FYN: variants seen among roughly 807,000 people sequenced by gnomAD.
FYN encodes the protein tyrosine-protein kinase Fyn.
A neutral mutation model predicts 70.2 loss-of-function variants in FYN; 10 were observed. The observed-to-expected ratio is 0.14, with a 90% CI of 0.09 to 0.24. FYN has a LOEUF of 0.24. Ranked by LOEUF, FYN falls within the 10% of genes least tolerant of loss-of-function variation. FYN has a pLI of 1.00. For synonymous variants in FYN, 236 were observed against 248.6 expected (o/e 0.95, Z 0.48); for missense variants, 319 against 673.1 (o/e 0.47, Z 5.82).
chr6:111,689,822 T>C (rs1281201095), intron 12 of FYN, among the ~76,000 whole-genome samples: 4 of 152,124 alleles, frequency 2.6e-5, no homozygotes, highest in Non-Finnish European at 5.9e-5. Context: ...GCTGGAGGTA[T>C]TCTGTATCTT....
intron 2 of FYN, among the ~76,000 whole-genome samples, chr6:111,837,611 T>C (rs756687100): frequency 6.6e-5 from 10 of 152,340 alleles, no homozygotes; most frequent in Middle Eastern, 3.4e-3. Flanking sequence ...TGGTAAATGA[T>C]GATGATTTTC....
At chr6:111,689,903 C>A (rs804190) in intron 12 of FYN, among the ~76,000 whole-genome samples, 4 of 152,080 alleles carry the variant, frequency 2.6e-5, no homozygotes, top group African/African-American at 4.8e-5. Flanking sequence ...CAGATTTGTT[C>A]GTTTTACTGT....
At chr6:111,710,683 A>G (rs994822326) in intron 5 of FYN, among the ~76,000 whole-genome samples, 1 of 152,240 alleles carries the variant, frequency 6.6e-6, no homozygotes, top group Non-Finnish European at 1.5e-5. Context: ...TACAGACTCA[A>G]AATATTCATT....
intron 2 of FYN, among the ~76,000 whole-genome samples, chr6:111,810,759 CAGA>C (rs1265032506): frequency 3.9e-5 from 6 of 152,310 alleles, no homozygotes; most frequent in Middle Eastern, 6.8e-3. Context: ...GTGGGTGGAG[CAGA>C]AATGAATGCT....
chr6:111,800,191 T>C (rs1379971531), intron 2 of FYN, among the ~76,000 whole-genome samples: 1 of 152,222 alleles, frequency 6.6e-6, no homozygotes, highest in African/African-American at 2.4e-5. Context: ...ATAGGAGTTA[T>C]ATACACATCA....
intron 12 of FYN, among the ~76,000 whole-genome samples, chr6:111,684,771 G>C (rs187603747): frequency 5.5e-4 from 84 of 152,242 alleles, no homozygotes; most frequent in African/African-American, 1.9e-3. Context: ...TGAAACTGTG[G>C]GTATTTAGTC....
chr6:111,790,447 A>G (rs1771575819), intron 2 of FYN, among the ~76,000 whole-genome samples: 1 of 152,062 alleles, frequency 6.6e-6, no homozygotes. Flanking sequence ...AAGAACACTG[A>G]AAATCTCAGA....
At chr6:111,781,977 C>T (rs1300059958) in intron 2 of FYN, among the ~76,000 whole-genome samples, 1 of 152,100 alleles carries the variant, frequency 6.6e-6, no homozygotes, top group Non-Finnish European at 1.5e-5. Context: ...GCTAATGCTA[C>T]TTTCATAATA....
intron 13 of FYN, among the ~76,000 whole-genome samples, chr6:111,662,416 C>T (rs1374299044): frequency 1.3e-5 from 2 of 152,160 alleles, no homozygotes; most frequent in Non-Finnish European, 2.9e-5. Context: ...CACATATGAT[C>T]CCTGTCTTCT....
At chr6:111,822,700 T>TA (rs552140435) in intron 2 of FYN, among the ~76,000 whole-genome samples, 1 of 149,766 alleles carries the variant, frequency 6.7e-6, no homozygotes, top group Non-Finnish European at 1.5e-5. Context: ...ATTTAAAAAA[T>TA]AAAAAAAGAA....
At chr6:111,705,391 T>C (rs932001895) in intron 6 of FYN, among the ~76,000 whole-genome samples, 2 of 151,430 alleles carry the variant, frequency 1.3e-5, no homozygotes, top group Non-Finnish European at 2.9e-5. Flanking sequence ...CTTCTTTTTT[T>C]TTTTTTTTTC....
chr6:111,671,374 C>G (rs971480361), intron 13 of FYN, among the ~76,000 whole-genome samples: 1 of 152,126 alleles, frequency 6.6e-6, no homozygotes, highest in South Asian at 2.1e-4. Context: ...TCACGCTGGG[C>G]AAAGATGCCT....
chr6:111,750,797 T>C (rs573823473), intron 3 of FYN, among the ~76,000 whole-genome samples: 53 of 151,844 alleles, frequency 3.5e-4, no homozygotes, highest in African/African-American at 1.2e-3. Flanking sequence ...GGGCATGCGT[T>C]CCCGCCATTC....
At chr6:111,804,006 C>T (rs1772070149) in intron 2 of FYN, among the ~76,000 whole-genome samples, 1 of 152,182 alleles carries the variant, frequency 6.6e-6, no homozygotes, top group Non-Finnish European at 1.5e-5. Context: ...AAAATGGTTT[C>T]CCACGTGCTA....
In FYN at chr6:111,674,857, G is replaced by A. The variant is rs147996846; in HGVS notation, c.1274-227C>T. ...AAAGCACCTTAGTACCTCAATAAAG[G>A]GGGGAAGAAGCCCTGGTTTCTTATG... On this transcript the variant is annotated intron_variant, in intron 12 of 13. Coordinates refer to ENST00000354650, the MANE Select transcript of FYN (RefSeq NM_002037.5). Among the ~76,000 whole-genome samples the A allele has an allele frequency of 2.6e-5, 4 of 152,054 alleles. No homozygotes were observed. In the South Asian group the frequency reaches 6.2e-4, roughly 24 times the overall value.
chr6:111,665,650 G>A (rs1370846463), intron 13 of FYN, among the ~76,000 whole-genome samples: 2 of 151,804 alleles, frequency 1.3e-5, no homozygotes, highest in Non-Finnish European at 2.9e-5. Flanking sequence ...GAGATGAAGC[G>A]TGGCTCTGTC....
chr6:111,722,861 G>T (rs1484929156), intron 3 of FYN, among the ~76,000 whole-genome samples: 1 of 152,228 alleles, frequency 6.6e-6, no homozygotes, highest in Admixed American at 6.5e-5. Flanking sequence ...ACGAAGGAAA[G>T]AATTTATATC....
chr6:111,731,472 T>C (rs1221864993), intron 3 of FYN, among the ~76,000 whole-genome samples: 1 of 152,144 alleles, frequency 6.6e-6, no homozygotes, highest in Admixed American at 6.5e-5. Flanking sequence ...TTGCACTGTG[T>C]TTTTGGGGCA....
At chr6:111,785,635 G>T (rs112487846) in intron 2 of FYN, among the ~76,000 whole-genome samples, 1 of 151,978 alleles carries the variant, frequency 6.6e-6, no homozygotes, top group South Asian at 2.1e-4. Flanking sequence ...TCTTATTAGT[G>T]GGTGGCAAAG....
Sources: gnomAD v4.1 joint callset for allele counts (sites outside exome capture counted in the v4.1 genomes callset) on GRCh38, gnomAD v4.1.1 for gene constraint, MANE v1.5 for transcripts, NCBI Gene and HGNC (gene_info 2026-07-23, HGNC 2026-07-21) for gene names.